COPG2: variants seen among roughly 807,000 people sequenced by gnomAD.
COPG2 encodes the protein coat protein complex I subunit gamma 2.
COPG2 carries 37 observed loss-of-function variants against 46.3 expected under a neutral mutation model. The observed-to-expected ratio is 0.80, with a 90% CI of 0.61 to 1.05. COPG2 has a LOEUF of 1.05. Ranked by LOEUF, COPG2 falls within the 50% of genes least tolerant of loss-of-function variation. COPG2 has a pLI of 0.00. For missense variants in COPG2, 427 were observed against 387.8 expected (o/e 1.10, Z -0.85); for synonymous variants, 159 against 129.7 (o/e 1.23, Z -1.53).
chr7:130,599,288 A>G (rs1794588176), intron 9 of COPG2, among the ~76,000 whole-genome samples: 2 of 152,234 alleles, frequency 1.3e-5, no homozygotes. Flanking sequence ...AGTGAACAAC[A>G]TGTGAACAGA....
intron 20 of COPG2, chr7:130,510,818 G>A: frequency 2.2e-6 from 1 of 463,406 alleles, no homozygotes. Context: ...CTGCTGGAGA[G>A]GATGACGAAA....
chr7:130,597,050 G>A (rs1246957440), intron 9 of COPG2, among the ~76,000 whole-genome samples: 1 of 152,150 alleles, frequency 6.6e-6, no homozygotes, highest in Non-Finnish European at 1.5e-5. Flanking sequence ...TGACCCTCGC[G>A]GGAACTGCTG....
chr7:130,596,640 A>G (rs1427162263), intron 9 of COPG2, among the ~76,000 whole-genome samples: 2 of 152,166 alleles, frequency 1.3e-5, no homozygotes, highest in African/African-American at 4.8e-5. Flanking sequence ...CGGCCTGACC[A>G]TGGAGCTGGT....
chr7:130,554,251 G>A (rs970654095), intron 14 of COPG2, among the ~76,000 whole-genome samples: 2 of 151,900 alleles, frequency 1.3e-5, no homozygotes, highest in Non-Finnish European at 2.9e-5. Context: ...CTGAAAAAAC[G>A]GATGAGCCAT....
chr7:130,545,696 A>C (rs919682583), intron 20 of COPG2, among the ~76,000 whole-genome samples: 4 of 152,198 alleles, frequency 2.6e-5, no homozygotes, highest in Admixed American at 2.6e-4. Context: ...CCTAAATGCC[A>C]AACTTTTATA....
intron 9 of COPG2, among the ~76,000 whole-genome samples, chr7:130,589,867 T>A (rs1794361173): frequency 6.6e-6 from 1 of 152,196 alleles, no homozygotes; most frequent in African/African-American, 2.4e-5. Context: ...CAGGATATCT[T>A]TTCTCCTGAT....
At chr7:130,556,855 A>T (rs1793634545) in intron 12 of COPG2, among the ~76,000 whole-genome samples, 1 of 152,188 alleles carries the variant, frequency 6.6e-6, no homozygotes. Flanking sequence ...AAAAAGGAAC[A>T]GATGGATATG....
At chr7:130,563,984 T>TA (rs1404389751) in intron 10 of COPG2, among the ~76,000 whole-genome samples, 31 of 151,400 alleles carry the variant, frequency 2.0e-4, no homozygotes, top group African/African-American at 6.3e-4. Context: ...ACAGAAACTT[T>TA]AAAAAAAAGC....
chr7:130,512,754 A>G lies in COPG2; in HGVS notation c.2150-4095T>C, dbSNP rs537329898. Among the ~76,000 whole-genome samples, 3 of 152,316 alleles carry G rather than the reference A, an allele frequency of 2.0e-5. No homozygotes were observed. The East Asian group carries it at 5.8e-4, about 29-fold the overall frequency. Reference sequence around the variant, plus strand: ...AGTGAGTTTCCGTCTCAAAAAAAGAAAAAAGAGAGAGATGGCAAGTGAAAG... The same window carrying G: ...AGTGAGTTTCCGTCTCAAAAAAAGAGAAAAGAGAGAGATGGCAAGTGAAAG... On this transcript the variant is annotated intron_variant, in intron 20 of 23. Coordinates refer to ENST00000425248, the MANE Select transcript of COPG2 (RefSeq NM_012133.6).
chr7:130,611,162 ATT>A, intron 8 of COPG2, 52 bp from the exon 9 acceptor site: 1 of 1,499,658 alleles, frequency 6.7e-7, no homozygotes, highest in Non-Finnish European at 9.1e-7. Flanking sequence ...ATGTCAAAAT[ATT>A]TACACAAAAA....
At chr7:130,555,766 G>A (rs1413431924) in intron 12 of COPG2, among the ~76,000 whole-genome samples, 1 of 152,112 alleles carries the variant, frequency 6.6e-6, no homozygotes, top group Non-Finnish European at 1.5e-5. Context: ...GGAGGCGGAG[G>A]TTGCAGTCAG....
intron 20 of COPG2, chr7:130,547,453 C>A: frequency 2.6e-6 from 1 of 382,006 alleles, no homozygotes; most frequent in East Asian, 3.7e-5. Flanking sequence ...AAGTGTTCAG[C>A]AAATTTTACT....
intron 20 of COPG2, among the ~76,000 whole-genome samples, chr7:130,512,548 G>A (rs1799612725): frequency 6.6e-6 from 1 of 152,092 alleles, no homozygotes; most frequent in Non-Finnish European, 1.5e-5. Context: ...GGGAGGCTGA[G>A]GCTGGCAGAT....
intron 4 of COPG2, among the ~76,000 whole-genome samples, chr7:130,654,255 T>C (rs569563536): frequency 6.6e-6 from 1 of 152,274 alleles, no homozygotes. Flanking sequence ...ACAAAAATTT[T>C]AAATGTGTAG....
chr7:130,620,838 C>T (rs1015518976), intron 5 of COPG2, among the ~76,000 whole-genome samples: 1 of 152,090 alleles, frequency 6.6e-6, no homozygotes, highest in African/African-American at 2.4e-5. Flanking sequence ...ATGTGTTTTG[C>T]ATGTAGGATG....
intron 9 of COPG2, among the ~76,000 whole-genome samples, chr7:130,583,898 T>A (rs1794212363): frequency 6.8e-6 from 1 of 147,406 alleles, no homozygotes; most frequent in African/African-American, 2.5e-5. Flanking sequence ...GAAGAATTGG[T>A]ACCAATCCTT....
intron 5 of COPG2, among the ~76,000 whole-genome samples, chr7:130,642,404 C>A (rs1229029695): frequency 2.0e-5 from 3 of 152,142 alleles, no homozygotes; most frequent in African/African-American, 7.2e-5. Flanking sequence ...TGCCCATTTC[C>A]AATCAATTTC....
intron 9 of COPG2, among the ~76,000 whole-genome samples, chr7:130,583,373 C>T (rs1794193975): frequency 2.0e-5 from 3 of 150,166 alleles, no homozygotes; most frequent in Non-Finnish European, 4.4e-5. Context: ...GGAGGGATAG[C>T]ATTGGGAGAT....
intron 5 of COPG2, among the ~76,000 whole-genome samples, chr7:130,631,651 C>A (rs944531379): frequency 6.6e-6 from 1 of 152,184 alleles, no homozygotes; most frequent in Non-Finnish European, 1.5e-5. Flanking sequence ...AGGATACAAA[C>A]TTTATAGTAA....
Sources: allele counts gnomAD v4.1 joint callset (sites outside exome capture counted in the v4.1 genomes callset), GRCh38; gene constraint gnomAD v4.1.1; transcripts MANE v1.5; gene names NCBI Gene and HGNC (gene_info 2026-07-23, HGNC 2026-07-21).